The following LPP variants were observed in gnomAD, a reference collection of about 807,000 sequenced individuals.
LPP encodes the protein lipoma-preferred partner.
A neutral mutation model predicts 60.4 loss-of-function variants in LPP; 38 were observed. That is an observed-to-expected ratio of 0.63 (90% CI 0.49 to 0.83). LPP has a LOEUF of 0.83. Ranked by LOEUF, LPP falls within the 40% of genes least tolerant of loss-of-function variation. The pLI is 0.00. For missense variants in LPP, 902 were observed against 783.6 expected (o/e 1.15, Z -1.80); for synonymous variants, 328 against 290.8 (o/e 1.13, Z -1.30).
At chr3:188,586,952 A>G (rs1418288788) in intron 6 of LPP, among the ~76,000 whole-genome samples, 1 of 151,944 alleles carries the variant, frequency 6.6e-6, no homozygotes, top group Non-Finnish European at 1.5e-5. Flanking sequence ...GCTGGTCTTG[A>G]ACACCTGACC....
chr3:188,791,052 G>C (rs1200900792), intron 9 of LPP, among the ~76,000 whole-genome samples: 1 of 152,120 alleles, frequency 6.6e-6, no homozygotes, highest in Non-Finnish European at 1.5e-5. Context: ...CCCAAAACAT[G>C]ATGGACAAGC....
intron 7 of LPP, among the ~76,000 whole-genome samples, chr3:188,637,475 C>G (rs1849061344): frequency 1.3e-5 from 2 of 150,926 alleles, no homozygotes; most frequent in Admixed American, 6.6e-5. Flanking sequence ...AGAGCAAACA[C>G]ATTCAAAAGC....
intron 7 of LPP, among the ~76,000 whole-genome samples, chr3:188,692,734 T>C (rs1369261118): frequency 1.3e-5 from 2 of 152,244 alleles, no homozygotes; most frequent in Non-Finnish European, 2.9e-5. Flanking sequence ...TTTGAATAAA[T>C]GTATTATTTG....
intron 2 of LPP, among the ~76,000 whole-genome samples, chr3:188,259,302 T>C (rs997099353): frequency 1.3e-5 from 2 of 152,164 alleles, no homozygotes; most frequent in Admixed American, 1.3e-4. Context: ...TTCCCCAGCA[T>C]GACATTGAGT....
intron 6 of LPP, among the ~76,000 whole-genome samples, chr3:188,569,555 A>G (rs1216631824): frequency 6.6e-6 from 1 of 152,032 alleles, no homozygotes; most frequent in East Asian, 1.9e-4. Context: ...GTAACTAAAC[A>G]TTTATTGAGA....
chr3:188,523,855 T>C (rs2150175457), intron 5 of LPP, among the ~76,000 whole-genome samples: 1 of 152,274 alleles, frequency 6.6e-6, no homozygotes, highest in East Asian at 1.9e-4. Flanking sequence ...AAGGTTATTT[T>C]TTTACTTCAC....
intron 7 of LPP, among the ~76,000 whole-genome samples, chr3:188,621,531 T>C (rs767831064): frequency 5.9e-5 from 9 of 152,218 alleles, no homozygotes; most frequent in African/African-American, 9.7e-5. Context: ...CAGTATTTCA[T>C]AGTTTATATG....
chr3:188,243,906 C>T (rs989030874), intron 2 of LPP, among the ~76,000 whole-genome samples: 6 of 152,038 alleles, frequency 3.9e-5, no homozygotes, highest in African/African-American at 1.2e-4. Context: ...GACAGAGTCT[C>T]GCTCTGTCGC....
intron 6 of LPP, among the ~76,000 whole-genome samples, chr3:188,543,187 T>A (rs1825679936): frequency 6.6e-6 from 1 of 152,144 alleles, no homozygotes; most frequent in Non-Finnish European, 1.5e-5. Context: ...TTTAATCCCC[T>A]GGGATAGAGA....
At chr3:188,658,555 T>C in intron 7 of LPP, among the ~76,000 whole-genome samples, 1 of 152,232 alleles carries the variant, frequency 6.6e-6, no homozygotes, top group East Asian at 1.9e-4. Context: ...TCTTGGCTGC[T>C]TCTTCCTGGC....
intron 3 of LPP, among the ~76,000 whole-genome samples, chr3:188,348,565 C>T (rs1765009702): frequency 6.6e-6 from 1 of 152,212 alleles, no homozygotes; most frequent in Admixed American, 6.5e-5. Context: ...AGATGTTCTG[C>T]TTTTCAAGAT....
chr3:188,725,473 G>A (rs1718037114), intron 8 of LPP: 1 of 152,214 alleles, frequency 6.6e-6, no homozygotes, highest in Non-Finnish European at 1.5e-5. Flanking sequence ...GAAGTCAAGA[G>A]GTATTCTAGA....
intron 7 of LPP, among the ~76,000 whole-genome samples, chr3:188,647,645 G>C (rs1180292361): frequency 2.0e-5 from 3 of 152,088 alleles, no homozygotes; most frequent in African/African-American, 4.8e-5. Context: ...GCTATTATGG[G>C]GACCTCAGAA....
chr3:188,516,282 T>A (rs1426265), intron 5 of LPP, among the ~76,000 whole-genome samples: 143,685 of 152,248 alleles, frequency 0.94, 67,986 homozygotes, highest in East Asian at 1. Flanking sequence ...TTTGTATCTC[T>A]TTCCATAAAA....
chr3:188,160,497 T>G (rs1232576454), intron 1 of LPP, among the ~76,000 whole-genome samples: 3 of 152,258 alleles, frequency 2.0e-5, no homozygotes, highest in Admixed American at 2.0e-4. Context: ...CCCAGCCCTC[T>G]GTTTTCTTAA....
At chr3:188,777,102 T>C (rs1738047043) in intron 9 of LPP, among the ~76,000 whole-genome samples, 1 of 152,182 alleles carries the variant, frequency 6.6e-6, no homozygotes, top group African/African-American at 2.4e-5. Flanking sequence ...AGCATAATAA[T>C]ACCTTATACT....
intron 2 of LPP, among the ~76,000 whole-genome samples, chr3:188,291,254 GGTA>G (rs1745833989): frequency 6.6e-6 from 1 of 152,192 alleles, no homozygotes; most frequent in Non-Finnish European, 1.5e-5. Context: ...TCCTGGAATT[GGTA>G]GTGTTGATTT....
intron 5 of LPP, 118 bp from the exon 6 acceptor site, chr3:188,524,545 TAA>T: frequency 1.8e-5 from 16 of 865,744 alleles, no homozygotes; most frequent in East Asian, 3.1e-5. Context: ...AAAGCTTAAT[TAA>T]AAAAAAAAGA....
At chr3:188,349,899 G>T (rs1247865895) in intron 3 of LPP, among the ~76,000 whole-genome samples, 1 of 152,214 alleles carries the variant, frequency 6.6e-6, no homozygotes, top group Non-Finnish European at 1.5e-5. Context: ...TCACAAGCAT[G>T]CTGTTCATCC....
Sources: gnomAD v4.1 joint callset for allele counts (sites outside exome capture counted in the v4.1 genomes callset) on GRCh38, gnomAD v4.1.1 for gene constraint, MANE v1.5 for transcripts, NCBI Gene and HGNC (gene_info 2026-07-23, HGNC 2026-07-21) for gene names.